The following UBE2B variants were observed in gnomAD, a reference collection of about 807,000 sequenced individuals.
The protein encoded by UBE2B is ubiquitin-conjugating enzyme E2 B.
In UBE2B, 11 loss-of-function variants were observed where a neutral mutation model predicts 24.6. That is an observed-to-expected ratio of 0.45 (90% CI 0.28 to 0.74). The LOEUF (loss-of-function observed/expected upper bound fraction) is 0.74. UBE2B is among the 30% of genes least tolerant of loss of function. The probability of loss-of-function intolerance (pLI) is 0.13; values close to 1 mark genes in which losing one functional copy is unlikely to be tolerated. For missense variants in UBE2B, 78 were observed against 185.6 expected (o/e 0.42, Z 3.37); for synonymous variants, 68 against 62.4 (o/e 1.09, Z -0.42).
chr5:134,382,600 C>A (rs1317172935), intron 4 of UBE2B, among the ~76,000 whole-genome samples: 1 of 151,806 alleles, frequency 6.6e-6, no homozygotes, highest in South Asian at 2.1e-4. Context: ...ATGGTGAAAC[C>A]CTGTCTCTAC....
Position 134,374,366 on chromosome 5 carries a change from C to T in UBE2B, c.45-17C>T. ...CCTTAATGTTCAACTTTTTAAATTA[C>T]CACGCTGGATTTCCAGGTTACAAGA... On this transcript the variant is annotated splice_polypyrimidine_tract_variant and intron_variant, in intron 1 of 5. Coordinates refer to ENST00000265339, the MANE Select transcript of UBE2B (RefSeq NM_003337.4). 1 of 1,551,942 alleles carries T rather than the reference C, an allele frequency of 6.4e-7. No homozygotes were observed. The highest frequency in any genetic ancestry group is 8.7e-7 in the Non-Finnish European group (1 of 1,147,046).
At chr5:134,376,969 G>A (rs746278196) in intron 3 of UBE2B, among the ~76,000 whole-genome samples, 1 of 152,096 alleles carries the variant, frequency 6.6e-6, no homozygotes, top group Non-Finnish European at 1.5e-5. Context: ...AAATTTAGGT[G>A]GCCTTAAAGA....
intron 1 of UBE2B, 132 bp downstream of exon 1, chr5:134,371,771 G>A: frequency 2.2e-6 from 3 of 1,392,702 alleles, no homozygotes; most frequent in South Asian, 1.2e-5. Context: ...GGCGGAAGCC[G>A]GGTCCTAGCC....
intron 1 of UBE2B, among the ~76,000 whole-genome samples, chr5:134,372,056 C>G (rs1758456270): frequency 6.6e-6 from 1 of 152,212 alleles, no homozygotes; most frequent in Non-Finnish European, 1.5e-5. Flanking sequence ...TTTCACGGCC[C>G]CGCCGTCTTC....
intron 5 of UBE2B, among the ~76,000 whole-genome samples, chr5:134,389,518 T>C (rs1352670714): frequency 6.6e-6 from 1 of 152,092 alleles, no homozygotes; most frequent in African/African-American, 2.4e-5. Context: ...CTGATTTCTT[T>C]CAAATTATAG....
chr5:134,379,952 G>C (rs1039716997), intron 3 of UBE2B, among the ~76,000 whole-genome samples: 1 of 151,334 alleles, frequency 6.6e-6, no homozygotes, highest in African/African-American at 2.4e-5. Context: ...TCTTGCTCTT[G>C]TCACCCAGAC....
intron 2 of UBE2B, 118 bp from the exon 3 acceptor site, chr5:134,376,551 C>G (rs1156274783): frequency 1.8e-6 from 2 of 1,104,572 alleles, no homozygotes; most frequent in African/African-American, 3.1e-5. Context: ...TCTTAAAACT[C>G]CACAAATCAT....
At chr5:134,382,311 G>A (rs1758721422) in intron 4 of UBE2B, among the ~76,000 whole-genome samples, 1 of 151,922 alleles carries the variant, frequency 6.6e-6, no homozygotes, top group Non-Finnish European at 1.5e-5. Flanking sequence ...AAAATATCAA[G>A]GCATGGTGGC....
chr5:134,380,955 A>ATTTTTTTTTTTTTTTT (rs1186834088), intron 4 of UBE2B, 147 bp downstream of exon 4: 13 of 138,420 alleles, frequency 9.4e-5, no homozygotes, highest in Admixed American at 1.5e-4. Context: ...TTTGTTGTGG[A>ATTTTTTTTTTTTTTTT]TTTTTTTTTT....
intron 5 of UBE2B, among the ~76,000 whole-genome samples, chr5:134,389,435 AT>A (rs1758862610): frequency 1.3e-5 from 2 of 152,242 alleles, no homozygotes; most frequent in African/African-American, 4.8e-5. Context: ...AATTATTGAT[AT>A]CTTAACCAAA....
At chr5:134,377,514 G>A (rs1476868807) in intron 3 of UBE2B, among the ~76,000 whole-genome samples, 1 of 152,182 alleles carries the variant, frequency 6.6e-6, no homozygotes, top group Admixed American at 6.5e-5. Context: ...AAAACTGCAC[G>A]ATAATGTTTG....
intron 4 of UBE2B, among the ~76,000 whole-genome samples, 198 bp downstream of exon 4, chr5:134,381,006 G>A (rs1164121583): frequency 4.3e-5 from 5 of 117,242 alleles, no homozygotes; most frequent in Non-Finnish European, 6.4e-5. Flanking sequence ...TCGCTCTGTC[G>A]CCCAGGCTGG....
At chr5:134,377,197 T>C (rs925818202) in intron 3 of UBE2B, among the ~76,000 whole-genome samples, 1 of 152,232 alleles carries the variant, frequency 6.6e-6, no homozygotes, top group African/African-American at 2.4e-5. Flanking sequence ...AATGGGAAAC[T>C]AGTTCTAATA....
At chr5:134,374,848 A>G (rs938677622) in intron 2 of UBE2B, among the ~76,000 whole-genome samples, 2 of 152,170 alleles carry the variant, frequency 1.3e-5, no homozygotes, top group African/African-American at 4.8e-5. Flanking sequence ...AGGCTGAGGC[A>G]GGAGGATCAC....
intron 2 of UBE2B, 72 bp downstream of exon 2, chr5:134,374,535 C>A: frequency 6.8e-7 from 1 of 1,475,064 alleles, no homozygotes; most frequent in South Asian, 1.2e-5. Flanking sequence ...TAACAACTGT[C>A]TAGGAAAAGA....
At chr5:134,372,723 A>C (rs528191750) in intron 1 of UBE2B, among the ~76,000 whole-genome samples, 1 of 152,288 alleles carries the variant, frequency 6.6e-6, no homozygotes, top group Non-Finnish European at 1.5e-5. Flanking sequence ...AGTTCTTCTA[A>C]GGCTTCTGTT....
intron 5 of UBE2B, chr5:134,389,080 TA>T (rs1758857974): frequency 3.7e-6 from 1 of 273,858 alleles, no homozygotes; most frequent in Non-Finnish European, 7.1e-6. Flanking sequence ...GCCTCCTGAG[TA>T]GCTAGGACTA....
chr5:134,388,943 A>ATTT, intron 5 of UBE2B: 1 of 234,366 alleles, frequency 4.3e-6, no homozygotes. Context: ...CACTTCTTTA[A>ATTT]TTGTTTTTTT....
intron 2 of UBE2B, among the ~76,000 whole-genome samples, chr5:134,376,364 T>TATATATATATATATACAC (rs70976528): frequency 1.3e-5 from 1 of 79,504 alleles, no homozygotes; most frequent in African/African-American, 5.1e-5. Flanking sequence ...TATATATATA[T>TATATATATATATATACAC]ACACATATGT....
Sources: allele counts gnomAD v4.1 joint callset (sites outside exome capture counted in the v4.1 genomes callset), GRCh38; gene constraint gnomAD v4.1.1; transcripts MANE v1.5; gene names NCBI Gene and HGNC (gene_info 2026-07-23, HGNC 2026-07-21).